The following CA1 variants were observed in gnomAD, a reference collection of about 807,000 sequenced individuals.
The protein encoded by CA1 is carbonic anhydrase 1, also known as carbonate dehydratase I.
A neutral mutation model predicts 28.8 loss-of-function variants in CA1; 27 were observed. The ratio of observed to expected loss-of-function variants is 0.94; its 90% CI spans 0.69 to 1.29. The LOEUF is 1.29. Among genes scored for constraint, CA1 ranks in the 50% most tolerant of loss-of-function variants. CA1 has a pLI of 0.00. For synonymous variants in CA1, 121 were observed against 108.8 expected (o/e 1.11, Z -0.70); for missense variants, 335 against 310.5 (o/e 1.08, Z -0.59).
intron 3 of CA1, among the ~76,000 whole-genome samples, chr8:85,337,497 A>G (rs1378928227): frequency 3.3e-5 from 5 of 152,196 alleles, no homozygotes; most frequent in African/African-American, 4.8e-5. Context: ...TGTGTAACTG[A>G]TGAAGACACA....
Position 85,328,428 on chromosome 8 carries a change from A to G in CA1, c.*132T>C, listed in dbSNP as rs1808257554. The G allele has an allele frequency of 1.7e-6, 1 of 587,210 alleles. No homozygotes were observed. The highest frequency in any genetic ancestry group is 1.9e-5 in the African/African-American group (1 of 53,510). 36.4% of individuals were successfully genotyped at this position (587,210 alleles called of 1,614,324 possible). The stretch of plus-strand genomic sequence containing the variant: ...ACTAAAATTTAAGTTTCTTAGTTTT[A>G]CAGATTGATTTGAAGGCATGCTGTC... On this transcript the variant is annotated 3_prime_UTR_variant, in exon 8 of 8. Coordinates refer to ENST00000523022, the MANE Select transcript of CA1 (RefSeq NM_001128831.4).
At chr8:85,368,886 C>T (rs1052602278) in intron 1 of CA1, among the ~76,000 whole-genome samples, 9 of 152,046 alleles carry the variant, frequency 5.9e-5, no homozygotes, top group Non-Finnish European at 1.2e-4. Context: ...GAAACCAAAT[C>T]AGATTTTCTA....
intron 1 of CA1, among the ~76,000 whole-genome samples, chr8:85,347,599 A>G (rs1010929037): frequency 2.0e-5 from 3 of 152,154 alleles, no homozygotes; most frequent in South Asian, 2.1e-4. Flanking sequence ...ACAGACATCA[A>G]TGACATCAAG....
At chr8:85,374,974 T>C (rs906490921) in intron 1 of CA1, among the ~76,000 whole-genome samples, 2 of 152,192 alleles carry the variant, frequency 1.3e-5, no homozygotes, top group African/African-American at 4.8e-5. Flanking sequence ...ACAGGAAATA[T>C]GATGCCGTAC....
intron 2 of CA1, among the ~76,000 whole-genome samples, chr8:85,339,237 TA>T (rs765748919): frequency 1.7e-4 from 26 of 152,290 alleles, no homozygotes; most frequent in African/African-American, 5.3e-4. Flanking sequence ...GCAAGCTTAT[TA>T]GGGGCATATT....
chr8:85,372,272 C>T (rs1243699732), intron 1 of CA1, among the ~76,000 whole-genome samples: 1 of 151,968 alleles, frequency 6.6e-6, no homozygotes, highest in East Asian at 1.9e-4. Flanking sequence ...CATCAGACGG[C>T]TACTATGAAA....
At chr8:85,362,016 G>A (rs1455077307) in intron 1 of CA1, among the ~76,000 whole-genome samples, 2 of 152,134 alleles carry the variant, frequency 1.3e-5, no homozygotes, top group African/African-American at 2.4e-5. Context: ...TTATTCTCCT[G>A]ACACTTCTGG....
intron 1 of CA1, among the ~76,000 whole-genome samples, chr8:85,364,648 A>G (rs1212293706): frequency 1.3e-5 from 2 of 152,216 alleles, no homozygotes; most frequent in African/African-American, 4.8e-5. Context: ...AATCAGCTAC[A>G]CTGCTATAAT....
chr8:85,332,633 C>A, intron 5 of CA1, 81 bp from the exon 6 acceptor site: 2 of 974,304 alleles, frequency 2.1e-6, no homozygotes, highest in South Asian at 1.3e-5. Context: ...AATTTTTTTT[C>A]AATTAACAAC....
intron 1 of CA1, among the ~76,000 whole-genome samples, chr8:85,377,603 G>C (rs773494106): frequency 3.9e-5 from 6 of 152,252 alleles, no homozygotes; most frequent in Non-Finnish European, 7.4e-5. Context: ...TCAGTAGTTC[G>C]AGACCAGCCT....
rs1425086826 is a variant in CA1 at position 85,328,121 on chromosome 8, G to A, written c.*439C>T. ...AATATTTCATCTCCAGCTGCTCTTA[G>A]GTTGTTGTATTTGAAGCAAAATACT... On this transcript the variant is annotated 3_prime_UTR_variant, in exon 8 of 8. Coordinates refer to ENST00000523022, the MANE Select transcript of CA1 (RefSeq NM_001128831.4). 2 of 157,844 alleles carry A rather than the reference G, an allele frequency of 1.3e-5. No homozygotes were observed. Among genetic ancestry groups the A allele is most frequent in the African/African-American group, 4.8e-5 (2 of 41,468 alleles). 9.8% of individuals were successfully genotyped at this position (157,844 alleles called of 1,614,324 possible).
intron 7 of CA1, among the ~76,000 whole-genome samples, chr8:85,329,158 T>G (rs1302319214): frequency 6.6e-6 from 1 of 152,176 alleles, no homozygotes; most frequent in Admixed American, 6.5e-5. Flanking sequence ...GCTTGTCCTG[T>G]AGGTTTGTTA....
chr8:85,329,759 G>A lies in CA1; in HGVS notation c.599C>T (p.Thr200Ile), dbSNP rs1213299853. The A allele has an allele frequency of 6.2e-7, 1 of 1,607,072 alleles. No homozygotes were observed. Among genetic ancestry groups the A allele is most frequent in the South Asian group, 1.1e-5 (1 of 89,820 alleles). Residue 200 changes from threonine to isoleucine, a missense_variant, in exon 7 of 8, where the codon ACT (threonine) becomes ATT (isoleucine). Thr to Ile is a moderately conservative substitution (Grantham distance 89). Coordinates refer to ENST00000523022, the MANE Select transcript of CA1 (RefSeq NM_001128831.4). ...LDFWTYPGSL[T>I]HPPLYESVTW... ...TACACTCTCATAAAGAGGAGGATGA[G>A]TCAGAGAGCCAGGGTAGGTCCAGAA...
intron 1 of CA1, among the ~76,000 whole-genome samples, chr8:85,371,602 G>T (rs1810230914): frequency 6.6e-6 from 1 of 152,148 alleles, no homozygotes; most frequent in African/African-American, 2.4e-5. Context: ...GTCAGCAGTA[G>T]TCAGGTAGGG....
At chr8:85,338,692 CT>C (rs2130192874) in intron 2 of CA1, among the ~76,000 whole-genome samples, 1 of 90,740 alleles carries the variant, frequency 1.1e-5, no homozygotes, top group African/African-American at 4.2e-5. Flanking sequence ...TTCCTTCTTT[CT>C]CTCTCTCTCT....
At chr8:85,338,543 G>C in intron 2 of CA1, 94 bp from the exon 3 acceptor site, 1 of 900,014 alleles carries the variant, frequency 1.1e-6, no homozygotes, top group Non-Finnish European at 1.9e-6. Context: ...TTAGATTAGG[G>C]TTTATTTCAG....
intron 1 of CA1, among the ~76,000 whole-genome samples, chr8:85,354,571 A>G (rs911730897): frequency 6.6e-6 from 1 of 152,214 alleles, no homozygotes; most frequent in Non-Finnish European, 1.5e-5. Context: ...CGACTTTTAC[A>G]TGATTGATAG....
intron 1 of CA1, among the ~76,000 whole-genome samples, chr8:85,355,423 G>C (rs1181642776): frequency 6.6e-6 from 1 of 151,912 alleles, no homozygotes; most frequent in Non-Finnish European, 1.5e-5. Flanking sequence ...TAAAAGACAG[G>C]GTCTTTCTCT....
chr8:85,334,350 T>A (rs1212403288), intron 4 of CA1, among the ~76,000 whole-genome samples: 2 of 152,198 alleles, frequency 1.3e-5, no homozygotes, highest in Admixed American at 6.5e-5. Context: ...ATCTTACAGG[T>A]TATACTTCGT....
Sources: allele counts gnomAD v4.1 joint callset (sites outside exome capture counted in the v4.1 genomes callset), GRCh38; gene constraint gnomAD v4.1.1; transcripts MANE v1.5; gene names NCBI Gene and HGNC (gene_info 2026-07-23, HGNC 2026-07-21).